The following SYNE1 variants were observed in gnomAD, a reference collection of about 807,000 sequenced individuals.
SYNE1 encodes the protein spectrin repeat containing nuclear envelope protein 1.
Under a neutral mutation model 1,111.0 loss-of-function variants are expected in SYNE1, and 616 were observed. The observed-to-expected ratio is 0.55, with a 90% confidence interval of 0.52 to 0.59. The LOEUF (loss-of-function observed/expected upper bound fraction) is 0.59. SYNE1 is among the 20% of genes least tolerant of loss of function. SYNE1 has a pLI of 0.00. For missense variants in SYNE1, 10,006 were observed against 10,417.0 expected (o/e 0.96, Z 1.72); for synonymous variants, 3,855 against 3,825.8 (o/e 1.01, Z -0.28).
intron 29 of SYNE1, among the ~76,000 whole-genome samples, chr6:152,445,589 A>G (rs1040004699): frequency 1.3e-5 from 2 of 151,942 alleles, no homozygotes; most frequent in African/African-American, 4.8e-5. Flanking sequence ...TTCCAAGGAG[A>G]GCAATCTGTT....
In SYNE1 at chr6:152,458,804, G is replaced by C; in HGVS notation, c.2521C>G (p.Leu841Val). ...GCACTCGATTGTGCCTCACGCTCAAGAACTGTGATAATTTCATTGATTTTC... is the reference window on the plus strand; with the variant it reads ...GCACTCGATTGTGCCTCACGCTCAACAACTGTGATAATTTCATTGATTTTC... ...LGKINEIITVLEREAQSSALF... is the reference protein window; with the variant it reads ...LGKINEIITVVEREAQSSALF... Residue 841 changes from leucine (L) to valine (V), a missense_variant, in exon 22 of 146, where the codon CTT (leucine) becomes GTT (valine). Leu to Val is a conservative substitution (Grantham distance 32). Around this residue, in one of 7 missense-constraint regions of SYNE1, gnomAD observed 1,971 missense variants for 2,084.1 expected, o/e 0.95. Coordinates refer to ENST00000367255, the MANE Select transcript of SYNE1 (RefSeq NM_182961.4). The C allele has an allele frequency of 6.2e-7, 1 of 1,614,054 alleles. No individual in the cohort carries two copies. The highest frequency in any genetic ancestry group is 8.5e-7 in the Non-Finnish European group (1 of 1,179,972).
At chr6:152,312,594 A>C (rs1320651527) in intron 87 of SYNE1, among the ~76,000 whole-genome samples, 1 of 148,374 alleles carries the variant, frequency 6.7e-6, no homozygotes, top group African/African-American at 2.4e-5. Context: ...TTTAATGTAA[A>C]TGTATAATTT....
In SYNE1 at chr6:152,268,126, G is replaced by A. The variant is rs1270352436; in HGVS notation, c.18745C>T (p.Arg6249Cys). 2.5e-6 allele frequency: 4 copies of A among 1,613,998 alleles called. No individual in the cohort carries two copies. Among genetic ancestry groups the A allele is most frequent in the African/African-American group, 1.3e-5 (1 of 74,910 alleles). ...TCCTCTCCACGACTGGCTACTGAGC[G>A]AAGGAGACTCTTCTGCTCGGCTAAT... ...QELAEQKSLL[R>C]SVASRGEEIL... Residue 6249 changes from arginine (R) to cysteine (C), a missense_variant, in exon 100 of 146, where the codon CGC becomes TGC. Arg to Cys is a radical substitution (Grantham distance 180). Coordinates refer to ENST00000367255, the MANE Select transcript of SYNE1 (RefSeq NM_182961.4).
At chr6:152,228,853 A>G (rs548140813) in intron 115 of SYNE1, among the ~76,000 whole-genome samples, 4 of 152,304 alleles carry the variant, frequency 2.6e-5, no homozygotes, top group African/African-American at 7.2e-5. Flanking sequence ...TGGAAATGCA[A>G]TGAGACTAGC....
At chr6:152,386,090 G>A (rs893339943) in intron 54 of SYNE1, among the ~76,000 whole-genome samples, 3 of 152,256 alleles carry the variant, frequency 2.0e-5, no homozygotes. Flanking sequence ...CTTAATTCAT[G>A]TTGGCTAACA....
intron 96 of SYNE1, among the ~76,000 whole-genome samples, chr6:152,282,635 A>G (rs1482418759): frequency 1.3e-5 from 2 of 152,204 alleles, no homozygotes; most frequent in Non-Finnish European, 2.9e-5. Flanking sequence ...AAATGAATTA[A>G]AAGTTAACTT....
At chr6:152,509,248 C>CTTTTTTTTTTTTTT (rs11305679) in intron 8 of SYNE1, among the ~76,000 whole-genome samples, 3 of 75,790 alleles carry the variant, frequency 4.0e-5, no homozygotes, top group African/African-American at 9.7e-5. Context: ...TTTTCTTTTT[C>CTTTTTTTTTTTTTT]TTTTTTTTTT....
intron 104 of SYNE1, among the ~76,000 whole-genome samples, chr6:152,252,303 A>ATAAG (rs1488381552): frequency 1.3e-5 from 2 of 151,868 alleles, no homozygotes; most frequent in African/African-American, 4.8e-5. Flanking sequence ...AAATAAATAA[A>ATAAG]TAATAAAATA....
intron 4 of SYNE1, among the ~76,000 whole-genome samples, chr6:152,528,261 G>A (rs574849492): frequency 6.6e-6 from 1 of 152,190 alleles, no homozygotes; most frequent in South Asian, 2.1e-4. Context: ...CAAACATGTG[G>A]CAGGCACTTC....
chr6:152,123,975 C>G (rs2052407299), intron 145 of SYNE1, among the ~76,000 whole-genome samples: 1 of 152,120 alleles, frequency 6.6e-6, no homozygotes, highest in Admixed American at 6.5e-5. Context: ...AGATAGAATC[C>G]CCTTAGAAGG....
Position 152,615,945 on chromosome 6 carries a change from ACATTTCCTACT to A in SYNE1, c.67+12309_67+12319del, listed in dbSNP as rs1435798417. Among the ~76,000 whole-genome samples, 18 of 152,340 alleles carry A rather than the reference ACATTTCCTACT, an allele frequency of 1.2e-4. 2 individuals are homozygous for A. The highest frequency in any genetic ancestry group is 1.0e-3 in the Admixed American group (16 of 15,296). ...CCGGTGTTTTTGTATGCCATGTATC[ACATTTCCTACT>A]AATTGTTGGAACAGAGAAATTAAAG... On this transcript the variant is annotated intron_variant, in intron 3 of 145. Coordinates refer to ENST00000367255, the MANE Select transcript of SYNE1 (RefSeq NM_182961.4).
At chr6:152,601,315 C>T (rs956628511) in intron 3 of SYNE1, among the ~76,000 whole-genome samples, 23 of 152,104 alleles carry the variant, frequency 1.5e-4, no homozygotes, top group African/African-American at 4.6e-4. Context: ...GTAGACCTGG[C>T]TAGGCATAGG....
intron 142 of SYNE1, chr6:152,134,876 G>T: frequency 1.9e-6 from 1 of 533,432 alleles, no homozygotes; most frequent in Non-Finnish European, 3.3e-6. Context: ...TTACAACTGA[G>T]CAACAACTTT....
At chr6:152,395,167 A>C (rs912815947) in intron 51 of SYNE1, among the ~76,000 whole-genome samples, 2 of 151,970 alleles carry the variant, frequency 1.3e-5, no homozygotes, top group Non-Finnish European at 2.9e-5. Context: ...ACATTATGTT[A>C]ATTGATCCTC....
chr6:152,366,875 G>A (rs3822992), intron 62 of SYNE1: 44,414 of 406,740 alleles, frequency 0.11, 3,261 homozygotes, highest in African/African-American at 0.26. Flanking sequence ...ACAAGTGAGT[G>A]GAAAAAGATG....
In SYNE1 at chr6:152,430,714, T is replaced by G. The variant is rs1352399302; in HGVS notation, c.4462-5A>C. 1 of 1,613,162 alleles carries G rather than the reference T, an allele frequency of 6.2e-7. No individual in the cohort carries two copies. The highest frequency in any genetic ancestry group is 8.5e-7 in the Non-Finnish European group (1 of 1,179,280). ...TTCTATTTCCTGAATTGTGACCTAA[T>G]AGTTAAAACAAGAAAAATGACAATG... is the stretch of plus-strand genomic sequence containing the variant. On this transcript the variant is annotated splice_region_variant and splice_polypyrimidine_tract_variant and intron_variant, in intron 34 of 145. Coordinates refer to ENST00000367255, the MANE Select transcript of SYNE1 (RefSeq NM_182961.4).
At chr6:152,391,144 C>T (rs996305261) in intron 52 of SYNE1, 133 bp downstream of exon 52, 60 of 1,342,122 alleles carry the variant, frequency 4.5e-5, no homozygotes, top group Admixed American at 2.3e-4. Context: ...CCTTTTTTGC[C>T]CAATTTCTCC....
chr6:152,242,459 A>G lies in SYNE1; in HGVS notation c.19693-19T>C. ...ACATGTCCTAAGAAGCAGAGACCAC[A>G]AGACTCACTCTCAATTCATATTCTG... On this transcript the variant is annotated intron_variant, in intron 106 of 145. Transcript: ENST00000367255. The G allele has an allele frequency of 6.2e-7, 1 of 1,613,520 alleles. No individual in the cohort carries two copies.
At chr6:152,123,268 C>T (rs1419733713) in intron 145 of SYNE1, among the ~76,000 whole-genome samples, 2 of 152,198 alleles carry the variant, frequency 1.3e-5, no homozygotes, top group African/African-American at 2.4e-5. Flanking sequence ...CTGACATTAG[C>T]GGGTTCCAAA....
Sources: gnomAD v4.1 joint callset for allele counts (sites outside exome capture counted in the v4.1 genomes callset) on GRCh38, gnomAD v4.1.1 for gene constraint, gnomAD v4.1.1 regional missense constraint, MANE v1.5 for transcripts, NCBI Gene and HGNC (gene_info 2026-07-23, HGNC 2026-07-21) for gene names.